Variants in BLOC1S3 observed in about 807,000 individuals in gnomAD.
BLOC1S3 encodes the protein biogenesis of lysosomal organelles complex 1 subunit 3, also known as biogenesis of lysosome-related organelles complex 1 subunit 3.
A neutral mutation model predicts 9.1 loss-of-function variants in BLOC1S3; 7 were observed. The observed-to-expected ratio is 0.77, with a 90% CI of 0.44 to 1.45. BLOC1S3 has a LOEUF of 1.45. BLOC1S3 is among the 40% of genes most tolerant of loss of function. BLOC1S3 has a pLI of 0.01. For synonymous variants in BLOC1S3, 145 were observed against 158.4 expected, an observed-to-expected ratio of 0.92 and a Z score of 0.64; for missense variants, 307 against 315.2, an observed-to-expected ratio of 0.97 and a Z score of 0.20.
rs539362859 is a variant in BLOC1S3, at chr19:45,179,134, C to A, written c.-9-154C>A. On this transcript the variant is annotated intron_variant, in intron 1 of 1. Coordinates refer to ENST00000433642, the MANE Select transcript of BLOC1S3 (RefSeq NM_212550.5). The surrounding 1 kb of genome is among the most constrained non-coding windows in gnomAD (Gnocchi z 4.6). ...GGGGTCCAGTAACCCCCATCATCACCCAGTTTACAGAAGAGGAAACTGAGG... is the reference window on the plus strand; with the variant it reads ...GGGGTCCAGTAACCCCCATCATCACACAGTTTACAGAAGAGGAAACTGAGG... The A allele has an allele frequency of 2.6e-6, 2 of 783,852 alleles. No individual in the cohort carries two copies. The highest frequency in any genetic ancestry group is 7.5e-5 in the Admixed American group (2 of 26,670). 48.6% of individuals were successfully genotyped at this position (783,852 alleles called of 1,614,324 possible). A position where few individuals can be genotyped will look rare whatever the true frequency, so the allele number is the denominator to read the frequency against.
chr19:45,211,372 G>C (rs1011951776), intron 3 of BLOC1S3, among the ~76,000 whole-genome samples: 1 of 151,424 alleles, frequency 6.6e-6, no homozygotes, highest in Non-Finnish European at 1.5e-5. Flanking sequence ...TGGTGGTGGA[G>C]GGGGGGCACC....
At chr19:45,200,348 A>T (rs966733785) in intron 2 of BLOC1S3, among the ~76,000 whole-genome samples, 1 of 151,522 alleles carries the variant, frequency 6.6e-6, no homozygotes, top group African/African-American at 2.4e-5. Flanking sequence ...CGCCTGGCTA[A>T]TTTTTTTGTA....
At chr19:45,182,091 A>G (rs1164142735), downstream of BLOC1S3, among the ~76,000 whole-genome samples, 1 of 152,238 alleles carries the variant, frequency 6.6e-6, no homozygotes, top group African/African-American at 2.4e-5. Flanking sequence ...AGATGTTCTC[A>G]TAGATAGTTC....
chr19:45,193,573 G>A (rs542194683), intron 2 of BLOC1S3, among the ~76,000 whole-genome samples: 10 of 151,614 alleles, frequency 6.6e-5, no homozygotes, highest in Non-Finnish European at 1.0e-4. Flanking sequence ...ATACTTGCCC[G>A]TTTCTTTGTA....
At chr19:45,197,451 C>G (rs112777497) in intron 2 of BLOC1S3, among the ~76,000 whole-genome samples, 2 of 151,600 alleles carry the variant, frequency 1.3e-5, no homozygotes, top group African/African-American at 4.9e-5. Flanking sequence ...TGTGCCACTG[C>G]ACTCCAGCCT....
chr19:45,182,579 G>C (rs960886853), downstream of BLOC1S3, among the ~76,000 whole-genome samples: 7 of 152,060 alleles, frequency 4.6e-5, no homozygotes, highest in Non-Finnish European at 1.0e-4. Context: ...CAGGAGAATC[G>C]CTTGAGCCCA....
chr19:45,197,655 G>A (rs563638501), intron 2 of BLOC1S3, among the ~76,000 whole-genome samples: 5 of 151,632 alleles, frequency 3.3e-5, no homozygotes, highest in African/African-American at 9.7e-5. Flanking sequence ...GTGAAACCCC[G>A]TCTCCACTAA....
In BLOC1S3 at chr19:45,180,178, C is replaced by G. The variant is rs1399221031; in HGVS notation, c.*273C>G. ...TTCTGAGCCTTCCCCTGGGGCTTGGCTCCAGCCTTTGTTACATAGTTGCTC... is the reference window on the plus strand; with the variant it reads ...TTCTGAGCCTTCCCCTGGGGCTTGGGTCCAGCCTTTGTTACATAGTTGCTC... On this transcript the variant is annotated 3_prime_UTR_variant, in exon 2 of 2. Transcript: ENST00000433642. 2 of 389,844 alleles carry G rather than the reference C, an allele frequency of 5.1e-6. No individual in the cohort carries two copies. Among genetic ancestry groups the G allele is most frequent in the African/African-American group, 4.3e-5 (2 of 46,662 alleles). The allele number at this position is 389,844 out of a possible 1,614,324, so 24.1% of individuals were successfully genotyped here.
downstream of BLOC1S3, among the ~76,000 whole-genome samples, chr19:45,183,454 G>A (rs533762246): frequency 6.7e-6 from 1 of 149,870 alleles, no homozygotes; most frequent in African/African-American, 2.4e-5. Context: ...CCAGCCCAGG[G>A]GACAGAGCAA....
At chr19:45,193,300 A>G (rs1969621296) in intron 2 of BLOC1S3, among the ~76,000 whole-genome samples, 4 of 152,002 alleles carry the variant, frequency 2.6e-5, no homozygotes, top group Admixed American at 2.6e-4. Flanking sequence ...GTTCTTCTGA[A>G]GGAGATGATT....
Position 45,179,537 on chromosome 19 carries a change from C to A in BLOC1S3, c.241C>A (p.Pro81Thr). ...ACCGACGGCCGCGCCGAGGGACCTG[C>A]CTCCACTCGTGGTGCAGCGGGAATC... ...PEPTAAPRDL[P>T]PLVVQRESAE... The change falls in exon 2 of 2, where the codon CCT (proline) becomes ACT (threonine). Residue 81 changes from proline (P) to threonine (T), a missense_variant. Coordinates refer to ENST00000433642, the MANE Select transcript of BLOC1S3 (RefSeq NM_212550.5). The surrounding 1 kb of genome is among the most constrained non-coding windows in gnomAD (Gnocchi z 4.6). 1 of 1,522,872 alleles carries A rather than the reference C, an allele frequency of 6.6e-7. No individual in the cohort carries two copies. Among genetic ancestry groups the A allele is most frequent in the African/African-American group, 1.4e-5 (1 of 70,934 alleles). The allele number at this position is 1,522,872 out of a possible 1,614,324, so 94.3% of individuals were successfully genotyped here.
At chr19:45,196,791 C>T (rs1232928264) in intron 2 of BLOC1S3, among the ~76,000 whole-genome samples, 3 of 151,482 alleles carry the variant, frequency 2.0e-5, no homozygotes, top group Non-Finnish European at 4.4e-5. Context: ...GTCCCAGCTA[C>T]GTGGGAGGCT....
At chr19:45,206,603 G>A (rs1316681906) in intron 3 of BLOC1S3, among the ~76,000 whole-genome samples, 1 of 147,058 alleles carries the variant, frequency 6.8e-6, no homozygotes. Flanking sequence ...CTATAGGCGT[G>A]TGCCCCCACA....
chr19:45,210,025 G>A, intron 3 of BLOC1S3, among the ~76,000 whole-genome samples: 1 of 150,338 alleles, frequency 6.7e-6, no homozygotes, highest in East Asian at 1.9e-4. Flanking sequence ...GAGCCATTGT[G>A]CCTGGCCAGA....
chr19:45,179,192 A>G lies in BLOC1S3; in HGVS notation c.-9-96A>G. On this transcript the variant is annotated intron_variant, in intron 1 of 1. Transcript: ENST00000433642. This position sits in a 1 kb window ranked among gnomAD's most constrained non-coding sequence, Gnocchi z 4.6. Reference sequence around the variant, plus strand: ...GGGGAGCAGCTGACACCAAGTCGTTAAGAGAATCAGCGAAGGGGCTGGGAA... The same window carrying G: ...GGGGAGCAGCTGACACCAAGTCGTTGAGAGAATCAGCGAAGGGGCTGGGAA... The G allele has an allele frequency of 1.5e-6, 2 of 1,338,108 alleles. No individual in the cohort carries two copies. The highest frequency in any genetic ancestry group is 1.9e-6 in the Non-Finnish European group (2 of 1,030,900). The allele number at this position is 1,338,108 out of a possible 1,614,324, so 82.9% of individuals were successfully genotyped here. A position where few individuals can be genotyped will look rare whatever the true frequency, so the allele number is the denominator to read the frequency against.
At chr19:45,190,328 G>A (rs1273346424) in intron 2 of BLOC1S3, among the ~76,000 whole-genome samples, 1 of 150,810 alleles carries the variant, frequency 6.6e-6, no homozygotes, top group Non-Finnish European at 1.5e-5. Context: ...CTTGAATTTT[G>A]TTGAGTTTCC....
Position 45,179,115 on chromosome 19 carries a change from C to T in BLOC1S3, c.-9-173C>T. 1.6e-6 allele frequency: 1 copy of T among 634,788 alleles called. No homozygotes were observed. The highest frequency in any genetic ancestry group is 2.4e-6 in the Non-Finnish European group (1 of 410,198). 39.3% of individuals were successfully genotyped at this position (634,788 alleles called of 1,614,324 possible). On this transcript the variant is annotated intron_variant, in intron 1 of 1. Transcript: ENST00000433642. The surrounding 1 kb of genome is among the most constrained non-coding windows in gnomAD (Gnocchi z 4.6). ...TCTGTACGCTGAAGAGCCTGGGGTCCAGTAACCCCCATCATCACCCAGTTT... is the reference window on the plus strand; with the variant it reads ...TCTGTACGCTGAAGAGCCTGGGGTCTAGTAACCCCCATCATCACCCAGTTT...
rs1969499677 is a variant in BLOC1S3, at chr19:45,180,235, A to ATTTTATTTTTTTTT, written c.*334_*335insATTTTTTTTTTTTT. 1.1e-5 allele frequency: 1 copy of ATTTTATTTTTTTTT among 90,224 alleles called. No individual in the cohort carries two copies. Among genetic ancestry groups the ATTTTATTTTTTTTT allele is most frequent in the Admixed American group, 1.2e-4 (1 of 8,222 alleles). 5.6% of individuals were successfully genotyped at this position (90,224 alleles called of 1,614,324 possible). On this transcript the variant is annotated 3_prime_UTR_variant, in exon 2 of 2. Transcript: ENST00000433642. ...CTGTTTCCACCCTGGGGGCTCACCAATTTTTTTTTTTTTTTTTTTTTTTTG... is the reference window on the plus strand; with the variant it reads ...CTGTTTCCACCCTGGGGGCTCACCAATTTTATTTTTTTTTTTTTTTTTTTTTTTTTTTTTTTTTG...
rs193116359 is a variant in BLOC1S3 at position 45,211,468 on chromosome 19, G to A, written n.283-5208G>A. ...GGAGGTTGCAGTGAGCTGAGATCGC[G>A]CCATTGCACTCTAGCCTGGGCGACA... On this transcript the variant is annotated intron_variant and non_coding_transcript_variant, in intron 3 of 3. Coordinates refer to the BLOC1S3 transcript ENST00000591569. Among the ~76,000 whole-genome samples the A allele has an allele frequency of 3.3e-5, 5 of 149,936 alleles. No homozygotes were observed. The East Asian group carries it at 9.7e-4, about 29-fold the overall frequency.
Sources: allele counts gnomAD v4.1 joint callset (sites outside exome capture counted in the v4.1 genomes callset), GRCh38; gene constraint gnomAD v4.1.1; non-coding constraint Gnocchi (gnomAD v3.1); transcripts MANE v1.5; gene names NCBI Gene and HGNC (gene_info 2026-07-23, HGNC 2026-07-21).